The following PARD3B variants were observed in gnomAD, a reference collection of about 807,000 sequenced individuals.
PARD3B encodes partitioning defective 3 homolog B.
A neutral mutation model predicts 130.2 loss-of-function variants in PARD3B; 103 were observed. The observed-to-expected ratio is 0.79, with a 90% CI of 0.67 to 0.93. The LOEUF is 0.93. PARD3B is among the 40% of genes least tolerant of loss of function. The pLI, the probability that PARD3B is intolerant of heterozygous loss-of-function variation, is 0.00. For synonymous variants in PARD3B, 583 were observed against 553.2 expected (o/e 1.05, Z -0.76); for missense variants, 1,609 against 1,499.2 (o/e 1.07, Z -1.21).
At chr2:205,385,709 C>G (rs2045637572) in intron 18 of PARD3B, among the ~76,000 whole-genome samples, 2 of 152,072 alleles carry the variant, frequency 1.3e-5, no homozygotes, top group Admixed American at 1.3e-4. Context: ...ACCCCCCTGA[C>G]TCAACATTAG....
chr2:205,376,776 TG>T (rs1420846523), intron 18 of PARD3B, among the ~76,000 whole-genome samples: 1 of 152,062 alleles, frequency 6.6e-6, no homozygotes, highest in Non-Finnish European at 1.5e-5. Flanking sequence ...AATTGGAGGT[TG>T]TATGTAGGTG....
rs559359405 is a variant in PARD3B, at chr2:205,274,747, T to C, written c.2186-25783T>C. ...TTTATTATGCAACTTTTAAGCCCTC[T>C]ACAGAAATCATTATATTATTTTATA... On this transcript the variant is annotated intron_variant, in intron 16 of 22. Coordinates refer to ENST00000406610, the MANE Select transcript of PARD3B (RefSeq NM_001302769.2). The surrounding 1 kb of genome is among the most constrained non-coding windows in gnomAD (Gnocchi z 4.2). Among the ~76,000 whole-genome samples, 4 of 152,186 alleles carry C rather than the reference T, an allele frequency of 2.6e-5. No homozygotes were observed. Among genetic ancestry groups the C allele is most frequent in the Non-Finnish European group, 4.4e-5 (3 of 68,014 alleles).
At chr2:205,518,983 G>A (rs980968785) in intron 21 of PARD3B, among the ~76,000 whole-genome samples, 1 of 152,050 alleles carries the variant, frequency 6.6e-6, no homozygotes, top group African/African-American at 2.4e-5. Flanking sequence ...TCCCTTTGTG[G>A]GTGACCTGTC....
chr2:205,054,423 TA>T, intron 4 of PARD3B, among the ~76,000 whole-genome samples: 1 of 21,224 alleles, frequency 4.7e-5, no homozygotes, highest in South Asian at 2.1e-3. Flanking sequence ...TATATATATA[TA>T]TATATATATA....
chr2:205,593,138 T>G (rs1011886003), intron 22 of PARD3B, among the ~76,000 whole-genome samples: 2 of 152,218 alleles, frequency 1.3e-5, no homozygotes, highest in Non-Finnish European at 2.9e-5. Flanking sequence ...AGAGCATTAT[T>G]TTTTTAAGAG....
intron 5 of PARD3B, among the ~76,000 whole-genome samples, chr2:205,109,189 G>A (rs779193703): frequency 1.6e-4 from 24 of 152,208 alleles, no homozygotes; most frequent in Non-Finnish European, 3.1e-4. Context: ...TTTTTACTCA[G>A]TACATTTGCA....
At chr2:204,750,591 T>TACAC (rs750021182) in intron 2 of PARD3B, among the ~76,000 whole-genome samples, 1 of 140,002 alleles carries the variant, frequency 7.1e-6, no homozygotes, top group African/African-American at 2.9e-5. Context: ...GTTTCAAAAA[T>TACAC]ACACACATAC....
chr2:205,057,135 A>C (rs1348061778), intron 4 of PARD3B, among the ~76,000 whole-genome samples: 1 of 151,544 alleles, frequency 6.6e-6, no homozygotes, highest in East Asian at 1.9e-4. Context: ...AGGTTCTCCT[A>C]GTATGAGGTG....
intron 15 of PARD3B, among the ~76,000 whole-genome samples, chr2:205,216,257 A>G (rs1447462566): frequency 6.6e-6 from 1 of 152,156 alleles, no homozygotes; most frequent in Non-Finnish European, 1.5e-5. Context: ...GGTGTGTAGC[A>G]GGCTAAACCA....
At chr2:205,144,142 T>C (rs769294969) in intron 10 of PARD3B, among the ~76,000 whole-genome samples, 7 of 152,332 alleles carry the variant, frequency 4.6e-5, no homozygotes, top group South Asian at 2.1e-4. Flanking sequence ...TTAGCAGATA[T>C]CACGTGAGCA....
chr2:204,918,002 A>G (rs2047510865), intron 2 of PARD3B, among the ~76,000 whole-genome samples: 1 of 152,212 alleles, frequency 6.6e-6, no homozygotes, highest in Non-Finnish European at 1.5e-5. Context: ...GGTTATAGTA[A>G]TTAAAGTTTA....
chr2:205,538,553 G>C lies in PARD3B; in HGVS notation c.3181-14771G>C, dbSNP rs191683999. On this transcript the variant is annotated intron_variant, in intron 21 of 22. Transcript: ENST00000406610. ...CAGCCACTCATCTTGTATACATATA[G>C]TGTAAAAAAAGACACTTTCATAAGA... Among the ~76,000 whole-genome samples, 5 of 152,172 alleles carry C rather than the reference G, an allele frequency of 3.3e-5. No individual in the cohort carries two copies. The East Asian group carries it at 9.7e-4, about 29-fold the overall frequency.
chr2:204,582,061 A>T (rs539650529), intron 1 of PARD3B, among the ~76,000 whole-genome samples: 1 of 152,168 alleles, frequency 6.6e-6, no homozygotes, highest in South Asian at 2.1e-4. Flanking sequence ...TTGCCCTTTC[A>T]TGTCATGTCC....
At chr2:205,205,301 T>C (rs1574382774) in intron 15 of PARD3B, among the ~76,000 whole-genome samples, 1 of 152,154 alleles carries the variant, frequency 6.6e-6, no homozygotes, top group East Asian at 1.9e-4. Context: ...ATTTTGTATC[T>C]GGAGACTTTG....
chr2:205,382,857 C>G (rs563144341), intron 18 of PARD3B, among the ~76,000 whole-genome samples: 1 of 152,038 alleles, frequency 6.6e-6, no homozygotes, highest in East Asian at 1.9e-4. Context: ...AGCTCATGTT[C>G]CATTTTAACT....
At chr2:204,614,508 A>G (rs1457848862) in intron 1 of PARD3B, among the ~76,000 whole-genome samples, 2 of 152,188 alleles carry the variant, frequency 1.3e-5, no homozygotes, top group Non-Finnish European at 2.9e-5. Context: ...AAACTGAGAT[A>G]TTACAAAAAT....
intron 3 of PARD3B, among the ~76,000 whole-genome samples, chr2:204,999,816 A>C (rs1694673346): frequency 6.6e-6 from 1 of 152,282 alleles, no homozygotes; most frequent in South Asian, 2.1e-4. Context: ...TACCTGATAT[A>C]TTTACCTGAA....
At chr2:205,028,539 A>G (rs1697195075) in intron 3 of PARD3B, among the ~76,000 whole-genome samples, 1 of 152,272 alleles carries the variant, frequency 6.6e-6, no homozygotes, top group African/African-American at 2.4e-5. Flanking sequence ...GAGCAGACTC[A>G]TAGTCGACAG....
chr2:204,935,587 A>G (rs1445711597), intron 2 of PARD3B, among the ~76,000 whole-genome samples: 1 of 151,502 alleles, frequency 6.6e-6, no homozygotes, highest in African/African-American at 2.4e-5. Flanking sequence ...TATATAGTAC[A>G]TATATAGTAT....
Sources: allele counts gnomAD v4.1 joint callset (sites outside exome capture counted in the v4.1 genomes callset), GRCh38; gene constraint gnomAD v4.1.1; non-coding constraint Gnocchi (gnomAD v3.1); transcripts MANE v1.5; gene names NCBI Gene and HGNC (gene_info 2026-07-23, HGNC 2026-07-21).